IGSF9B: variants seen among roughly 807,000 people sequenced by gnomAD.
IGSF9B encodes the protein protein turtle homolog B.
Under a neutral mutation model 143.7 loss-of-function variants are expected in IGSF9B, and 48 were observed. The ratio of observed to expected loss-of-function variants is 0.33; its 90% CI spans 0.26 to 0.42. IGSF9B has a LOEUF of 0.42. Ranked by LOEUF, IGSF9B falls within the 20% of genes least tolerant of loss-of-function variation. The pLI is 1.00. For synonymous variants in IGSF9B, 903 were observed against 833.1 expected (o/e 1.08, Z -1.44); for missense variants, 1,706 against 1,980.0 (o/e 0.86, Z 2.63).
chr11:133,919,827 C>T lies in IGSF9B; in HGVS notation c.3898G>A (p.Val1300Met). 1.3e-6 allele frequency: 2 copies of T among 1,567,134 alleles called. No homozygotes were observed. Among genetic ancestry groups the T allele is most frequent in the South Asian group, 1.2e-5 (1 of 84,546 alleles). ...APAGPGDSLD[V>M]FGQTPSPRRT... ...CGAGGGGAAGGCGTCTGTCCAAACA[C>T]GTCCAAGCTGTCCCCAGGCCCAGCA... Residue 1300 changes from valine (V) to methionine (M), a missense_variant, in exon 18 of 20, where the codon GTG becomes ATG. Physicochemically the swap from Val to Met is conservative, Grantham distance 21. Transcript: ENST00000533871.
At chr11:133,916,973 G>A (rs1939395423) in intron 18 of IGSF9B, among the ~76,000 whole-genome samples, 1 of 152,136 alleles carries the variant, frequency 6.6e-6, no homozygotes. Flanking sequence ...CAGGGCCTCT[G>A]GGCTGCTGAC....
At position 133,901,832 on chromosome 11, in the gene IGSF9B, ACACACACACAC is replaced by A. The variant is rs1464263406; in HGVS notation, c.*7226_*7236del. Among the ~76,000 whole-genome samples, 14 of 144,614 alleles carry A rather than the reference ACACACACACAC, an allele frequency of 9.7e-5. No individual in the cohort carries two copies. The highest frequency in any genetic ancestry group is 2.2e-4 in the South Asian group (1 of 4,464). The allele number at this position is 144,614 out of a possible 152,430, so 94.9% of individuals were successfully genotyped here. On this transcript the variant is annotated 3_prime_UTR_variant, in exon 20 of 20. Transcript: ENST00000533871. ...CAGACACACCACACCACACACACAAACACACACACACCACACACGCACCACACACGCACCAC... is the reference window on the plus strand; with the variant it reads ...CAGACACACCACACCACACACACAAACACACACGCACCACACACGCACCAC...
Position 133,909,041 on chromosome 11 carries a change from C to A in IGSF9B, c.*28G>T. 3 of 1,527,448 alleles carry A rather than the reference C, an allele frequency of 2.0e-6. No homozygotes were observed. The highest frequency in any genetic ancestry group is 2.6e-6 in the Non-Finnish European group (3 of 1,139,918). The allele number at this position is 1,527,448 out of a possible 1,614,324, so 94.6% of individuals were successfully genotyped here. On this transcript the variant is annotated 3_prime_UTR_variant, in exon 20 of 20. Coordinates refer to ENST00000533871, the MANE Select transcript of IGSF9B (RefSeq NM_001277285.4). This position sits in a 1 kb window ranked among gnomAD's most constrained non-coding sequence, Gnocchi z 4.2. The stretch of plus-strand genomic sequence containing the variant: ...TCCCTGCCTGAGCCCAGCAACCTCG[C>A]CCCGGGGACACCTAGAGTGGGGTGG...
At chr11:133,916,515 C>G (rs1939385420) in intron 18 of IGSF9B, among the ~76,000 whole-genome samples, 1 of 152,164 alleles carries the variant, frequency 6.6e-6, no homozygotes, top group African/African-American at 2.4e-5. Flanking sequence ...CAGGAGAGGC[C>G]AGCACCGAGG....
chr11:133,923,471 C>A (rs1939576568), intron 15 of IGSF9B, among the ~76,000 whole-genome samples: 1 of 152,194 alleles, frequency 6.6e-6, no homozygotes, highest in African/African-American at 2.4e-5. Context: ...TCCTTTCCTG[C>A]CCAAGTCTAC....
rs780885348 is a variant in IGSF9B at position 133,926,954 on chromosome 11, G to A, written c.1769C>T (p.Thr590Ile). 1 of 1,598,568 alleles carries A rather than the reference G, an allele frequency of 6.3e-7. No individual in the cohort carries two copies. Among genetic ancestry groups the A allele is most frequent in the South Asian group, 1.1e-5 (1 of 87,736 alleles). The stretch of plus-strand genomic sequence containing the variant: ...AGTGACCACCTCACTGAAGGCGCTG[G>A]TTCCCAGCTTGTTCTGGGCCAGGAC... ...FSVLAQNKLG[T>I]SAFSEVVTVN... The change falls in exon 13 of 20, where the codon ACC (threonine) becomes ATC (isoleucine). Residue 590 changes from threonine (T) to isoleucine (I), a missense_variant. By Grantham distance (89) the Thr-to-Ile change is moderately conservative. This residue lies in a region of IGSF9B where 267 missense variants were observed against 321.1 expected (regional missense o/e 0.83). Coordinates refer to ENST00000533871, the MANE Select transcript of IGSF9B (RefSeq NM_001277285.4).
rs1555082677 is a variant in IGSF9B at position 133,901,943 on chromosome 11, A to ACACAT, written c.*7121_*7125dup. 7.9e-6 allele frequency among the ~76,000 whole-genome samples: 1 copy of ACACAT among 126,116 alleles called. No homozygotes were observed. Among genetic ancestry groups the ACACAT allele is most frequent in the Non-Finnish European group, 1.7e-5 (1 of 59,432 alleles). 82.7% of individuals were successfully genotyped at this position (126,116 alleles called of 152,430 possible). A position where few individuals can be genotyped will look rare whatever the true frequency, so the allele number is the denominator to read the frequency against. On this transcript the variant is annotated 3_prime_UTR_variant, in exon 20 of 20. Transcript: ENST00000533871. ...ACACACCAAACCACACAACACACAC[A>ACACAT]CACATCACACACATGCACACCGCAT...
chr11:133,932,323 G>A, intron 7 of IGSF9B, 110 bp from the exon 8 acceptor site: 4 of 1,178,032 alleles, frequency 3.4e-6, no homozygotes, highest in Non-Finnish European at 4.8e-6. Flanking sequence ...AGGGAAGCCA[G>A]GTGGGAGAGC....
At chr11:133,949,795 C>G (rs11223640) in intron 1 of IGSF9B, among the ~76,000 whole-genome samples, 27,753 of 151,930 alleles carry the variant, frequency 0.18, 3,273 homozygotes, top group African/African-American at 0.33. Flanking sequence ...CTGAGCCCCT[C>G]TCCATCACAG....
In IGSF9B at chr11:133,913,477, T is replaced by G. The variant is rs972600935; in HGVS notation, c.3984-1470A>C. Among the ~76,000 whole-genome samples the G allele has an allele frequency of 2.0e-5, 3 of 152,330 alleles. No homozygotes were observed. The highest frequency in any genetic ancestry group is 3.9e-4 in the East Asian group (2 of 5,182). On this transcript the variant is annotated intron_variant, in intron 18 of 19. Transcript: ENST00000533871. This position sits in a 1 kb window ranked among gnomAD's most constrained non-coding sequence, Gnocchi z 4.6. ...TTTCCTGCATGCACTGGCAATGCAG[T>G]GACCTCCATCTTCCTGGGGGATGTC... is the stretch of plus-strand genomic sequence containing the variant.
chr11:133,954,587 C>T (rs1479457310), intron 1 of IGSF9B, among the ~76,000 whole-genome samples: 1 of 152,168 alleles, frequency 6.6e-6, no homozygotes, highest in Non-Finnish European at 1.5e-5. Flanking sequence ...TTCCTTATAA[C>T]ACTCATGTCC....
chr11:133,940,212 C>T (rs1159462740), intron 3 of IGSF9B, among the ~76,000 whole-genome samples: 3 of 136,098 alleles, frequency 2.2e-5, no homozygotes, highest in Non-Finnish European at 4.6e-5. Flanking sequence ...CCTCGCACAT[C>T]CTCGCACGCG....
chr11:133,933,148 C>T (rs1412536107), intron 7 of IGSF9B, among the ~76,000 whole-genome samples: 1 of 152,170 alleles, frequency 6.6e-6, no homozygotes, highest in Non-Finnish European at 1.5e-5. Context: ...TCCGAGCCTG[C>T]TCCAATCCTC....
Position 133,928,183 on chromosome 11 carries a change from T to C in IGSF9B, c.1632-1092A>G, listed in dbSNP as rs1939663209. On this transcript the variant is annotated intron_variant, in intron 12 of 19. Transcript: ENST00000533871. This position sits in a 1 kb window ranked among gnomAD's most constrained non-coding sequence, Gnocchi z 4.7. The stretch of plus-strand genomic sequence containing the variant: ...TATGCCCAGACCTCCCACCCAGGCA[T>C]CTCCAAAGACAGCTTGACCACACCA... Among the ~76,000 whole-genome samples, 1 of 151,886 alleles carries C rather than the reference T, an allele frequency of 6.6e-6. No individual in the cohort carries two copies. Among genetic ancestry groups the C allele is most frequent in the South Asian group, 2.1e-4 (1 of 4,812 alleles).
chr11:133,909,330 G>C lies in IGSF9B; in HGVS notation c.4106-53C>G. On this transcript the variant is annotated intron_variant, in intron 19 of 19. Coordinates refer to ENST00000533871, the MANE Select transcript of IGSF9B (RefSeq NM_001277285.4). This position sits in a 1 kb window ranked among gnomAD's most constrained non-coding sequence, Gnocchi z 4.2. ...AGAGAAGCAAGCGGATGAAAAGGAA[G>C]CACGCAGCCTGCTCACCTTTTCCAC... 2.1e-5 allele frequency: 28 copies of C among 1,355,972 alleles called. No individual in the cohort carries two copies. Among genetic ancestry groups the C allele is most frequent in the Non-Finnish European group, 2.8e-5 (28 of 983,812 alleles). 84.0% of individuals were successfully genotyped at this position (1,355,972 alleles called of 1,614,324 possible). A position where few individuals can be genotyped will look rare whatever the true frequency, so the allele number is the denominator to read the frequency against.
chr11:133,936,730 C>T (rs1939830874), intron 5 of IGSF9B, among the ~76,000 whole-genome samples: 1 of 152,000 alleles, frequency 6.6e-6, no homozygotes, highest in South Asian at 2.1e-4. Context: ...CACTCAGAGG[C>T]AGGAGGAGCA....
At chr11:133,947,816 C>T (rs892548195) in intron 1 of IGSF9B, among the ~76,000 whole-genome samples, 4 of 151,878 alleles carry the variant, frequency 2.6e-5, no homozygotes, top group Admixed American at 6.6e-5. Context: ...CTAGCTCCTT[C>T]TCTGGATCTC....
In IGSF9B at chr11:133,945,337, A is replaced by G. The variant is rs957832974; in HGVS notation, c.262+724T>C. On this transcript the variant is annotated intron_variant, in intron 2 of 19. Transcript: ENST00000533871. This position sits in a 1 kb window ranked among gnomAD's most constrained non-coding sequence, Gnocchi z 4.6. ...GGGCACAGGAGCGAAAGAGGGACAG[A>G]GACGGAAGCATTCTGAGAAAGGCAG... Among the ~76,000 whole-genome samples, 3 of 152,236 alleles carry G rather than the reference A, an allele frequency of 2.0e-5. No homozygotes were observed. The highest frequency in any genetic ancestry group is 4.8e-5 in the African/African-American group (2 of 41,468).
At chr11:133,914,290 G>C (rs1027188660) in intron 18 of IGSF9B, among the ~76,000 whole-genome samples, 2 of 152,268 alleles carry the variant, frequency 1.3e-5, no homozygotes, top group African/African-American at 4.8e-5. Flanking sequence ...GTGGGAAAGA[G>C]CCAAGACTCT....
Sources: allele counts gnomAD v4.1 joint callset (sites outside exome capture counted in the v4.1 genomes callset), GRCh38; gene constraint gnomAD v4.1.1; regional missense constraint gnomAD v4.1.1; non-coding constraint Gnocchi (gnomAD v3.1); transcripts MANE v1.5; gene names NCBI Gene and HGNC (gene_info 2026-07-23, HGNC 2026-07-21).